Variants in PHACTR2 observed in about 807,000 individuals in gnomAD.
The protein encoded by PHACTR2 is chromosome 6 open reading frame 56.
PHACTR2 carries 30 observed loss-of-function variants against 76.0 expected under a neutral mutation model. The observed-to-expected ratio is 0.39, with a 90% CI of 0.30 to 0.54. PHACTR2 has a LOEUF of 0.54. Among genes scored for constraint, PHACTR2 ranks in the 20% least tolerant of loss-of-function variants. PHACTR2 has a pLI of 0.61. For synonymous variants in PHACTR2, 292 were observed against 292.5 expected (o/e 1.00, Z 0.02); for missense variants, 696 against 781.1 (o/e 0.89, Z 1.30).
In PHACTR2 at chr6:143,684,689, G is replaced by A. The variant is rs1018124318; in HGVS notation, c.46+6480G>A. On this transcript the variant is annotated intron_variant, in intron 1 of 12. Transcript: ENST00000440869. The surrounding 1 kb of genome is among the most constrained non-coding windows in gnomAD (Gnocchi z 4.3). The stretch of plus-strand genomic sequence containing the variant: ...AGGGTCACTCTTAGCCCATAGCCTC[G>A]TGAGAATTAGAAGTCACTTCCTCTG... 1.6e-4 allele frequency among the ~76,000 whole-genome samples: 25 copies of A among 152,304 alleles called. No homozygotes were observed. The highest frequency in any genetic ancestry group is 2.4e-4 in the Non-Finnish European group (16 of 68,040).
chr6:143,749,494 C>T (rs1779140068), intron 3 of PHACTR2, among the ~76,000 whole-genome samples: 1 of 152,194 alleles, frequency 6.6e-6, no homozygotes, highest in Non-Finnish European at 1.5e-5. Context: ...AGAGAAGGCA[C>T]ACATACCTCT....
At chr6:143,628,517 C>T (rs1399098896) in intron 1 of PHACTR2, among the ~76,000 whole-genome samples, 2 of 152,130 alleles carry the variant, frequency 1.3e-5, no homozygotes, top group African/African-American at 4.8e-5. Flanking sequence ...AGAGTAGCAT[C>T]TTCTCATCTC....
Position 143,550,327 on chromosome 6 carries a change from G to A in PHACTR2, c.217+13120G>A, listed in dbSNP as rs1775079273. 6.6e-6 allele frequency among the ~76,000 whole-genome samples: 1 copy of A among 151,992 alleles called. No individual in the cohort carries two copies. Among genetic ancestry groups the A allele is most frequent in the Admixed American group, 6.6e-5 (1 of 15,262 alleles). On this transcript the variant is annotated intron_variant, in intron 1 of 11. Transcript: ENST00000367584. This position sits in a 1 kb window ranked among gnomAD's most constrained non-coding sequence, Gnocchi z 4.8. The stretch of plus-strand genomic sequence containing the variant: ...ACCACACTTCAAGGGAAGCAAGTCT[G>A]TATGGAGAGCTTTTAATGGGCCTGT...
intron 1 of PHACTR2, among the ~76,000 whole-genome samples, chr6:143,649,069 G>A (rs549812385): frequency 6.6e-6 from 1 of 152,188 alleles, no homozygotes; most frequent in South Asian, 2.1e-4. Flanking sequence ...ATGCTTCTGT[G>A]GAATAAAGTC....
In PHACTR2 at chr6:143,585,684, G is replaced by T. The variant is rs1426347367; in HGVS notation, c.217+48477G>T. Among the ~76,000 whole-genome samples the T allele has an allele frequency of 1.3e-5, 2 of 152,172 alleles. No individual in the cohort carries two copies. The highest frequency in any genetic ancestry group is 4.8e-5 in the African/African-American group (2 of 41,426). On this transcript the variant is annotated intron_variant, in intron 1 of 11. Transcript: ENST00000367584. This position sits in a 1 kb window ranked among gnomAD's most constrained non-coding sequence, Gnocchi z 5.2. ...CCCTCCCTGCTTATCACCAGGCGTG[G>T]CACCTGATAGGTGCTCAAAAAATAC...
In PHACTR2 at chr6:143,827,957, A is replaced by G. The variant is rs1776580637; in HGVS notation, c.*4268A>G. ...CAGGAGTTCGAGACCAGCCTGGCCA[A>G]CATGGTGAAACCCTGTCTCTACTGA... On this transcript the variant is annotated 3_prime_UTR_variant, in exon 13 of 13. Transcript: ENST00000440869. 6.6e-6 allele frequency: 1 copy of G among 152,050 alleles called. No homozygotes were observed. The highest frequency in any genetic ancestry group is 1.5e-5 in the Non-Finnish European group (1 of 68,038). The allele number at this position is 152,050 out of a possible 1,614,324, so 9.4% of individuals were successfully genotyped here. A position where few individuals can be genotyped will look rare whatever the true frequency, so the allele number is the denominator to read the frequency against.
chr6:143,604,993 GT>G (rs72329149), upstream of PHACTR2, among the ~76,000 whole-genome samples: 1,809 of 147,698 alleles, frequency 0.012, 37 homozygotes, highest in African/African-American at 0.041. Context: ...TGCTAATAGG[GT>G]TTTTTTTTTT....
intron 1 of PHACTR2, among the ~76,000 whole-genome samples, chr6:143,669,944 G>A (rs549394794): frequency 1.3e-5 from 2 of 152,292 alleles, no homozygotes; most frequent in African/African-American, 2.4e-5. Context: ...TGTTCATAGT[G>A]TCGATGGACT....
intron 1 of PHACTR2, among the ~76,000 whole-genome samples, chr6:143,685,554 A>G (rs1777493823): frequency 6.6e-6 from 1 of 152,142 alleles, no homozygotes; most frequent in Non-Finnish European, 1.5e-5. Flanking sequence ...ATCCGGGGTA[A>G]CTAATATTAA....
chr6:143,638,995 T>C (rs1361073417), intron 1 of PHACTR2, among the ~76,000 whole-genome samples: 1 of 152,266 alleles, frequency 6.6e-6, no homozygotes, highest in Non-Finnish European at 1.5e-5. Flanking sequence ...AATGACATTA[T>C]CTCCTTAATG....
intron 1 of PHACTR2, among the ~76,000 whole-genome samples, chr6:143,707,323 T>C (rs996328568): frequency 3.9e-5 from 6 of 152,244 alleles, no homozygotes; most frequent in African/African-American, 1.2e-4. Context: ...TTTGCTATGA[T>C]TGGGCTTCAA....
At chr6:143,573,017 T>C (rs935758315) in intron 1 of PHACTR2, among the ~76,000 whole-genome samples, 13 of 152,238 alleles carry the variant, frequency 8.5e-5, no homozygotes, top group African/African-American at 2.7e-4. Context: ...TTTGAAATAA[T>C]TCTGTCCTTA....
At position 143,786,220 on chromosome 6, in the gene PHACTR2, C is replaced by G. The variant is rs1026565261; in HGVS notation, c.1708-2553C>G. ...TTCTGCCAGATACCCTAAATCATCT[C>G]TCTCAAGTTCAAAGTTCCACGAATC... On this transcript the variant is annotated intron_variant, in intron 10 of 12. Transcript: ENST00000440869. 2.0e-5 allele frequency among the ~76,000 whole-genome samples: 3 copies of G among 152,198 alleles called. No individual in the cohort carries two copies. The South Asian group carries it at 6.2e-4, about 31-fold the overall frequency.
intron 5 of PHACTR2, among the ~76,000 whole-genome samples, chr6:143,762,238 C>T (rs1001343983): frequency 3.9e-5 from 6 of 152,206 alleles, no homozygotes; most frequent in Non-Finnish European, 8.8e-5. Context: ...TCCACTTTCC[C>T]ATTCTCCACG....
chr6:143,623,917 A>C lies in PHACTR2; in HGVS notation c.13+15595A>C, dbSNP rs1227163035. ...GTATGATGCACAATATTCTGGGTAC[A>C]CTCAGAGCACCCCCATAATAAGTTG... On this transcript the variant is annotated intron_variant, in intron 1 of 11. Coordinates refer to the PHACTR2 transcript ENST00000305766. This position sits in a 1 kb window ranked among gnomAD's most constrained non-coding sequence, Gnocchi z 5.9. 6.6e-6 allele frequency among the ~76,000 whole-genome samples: 1 copy of C among 152,164 alleles called. No individual in the cohort carries two copies. Among genetic ancestry groups the C allele is most frequent in the Non-Finnish European group, 1.5e-5 (1 of 68,034 alleles).
chr6:143,590,683 T>C (rs1775680068), intron 1 of PHACTR2, among the ~76,000 whole-genome samples: 1 of 152,196 alleles, frequency 6.6e-6, no homozygotes, highest in Non-Finnish European at 1.5e-5. Context: ...GCTTTCTTTC[T>C]ATCTCTCTAT....
Position 143,767,743 on chromosome 6 carries a change from A to G in PHACTR2, c.1232+1945A>G, listed in dbSNP as rs965941873. 6.6e-6 allele frequency among the ~76,000 whole-genome samples: 1 copy of G among 152,172 alleles called. No homozygotes were observed. The highest frequency in any genetic ancestry group is 1.5e-5 in the Non-Finnish European group (1 of 68,030). On this transcript the variant is annotated intron_variant, in intron 6 of 12. Transcript: ENST00000440869. The surrounding 1 kb of genome is among the most constrained non-coding windows in gnomAD (Gnocchi z 4.4). ...TGTGAGCCCTTTTGAAAATGGCATT[A>G]ATCTATTCACGAGGGCAGAGCCTTC...
In PHACTR2 at chr6:143,678,099, C is replaced by A. The variant is rs973656910; in HGVS notation, c.-65C>A. On this transcript the variant is annotated 5_prime_UTR_variant, in exon 1 of 13. Transcript: ENST00000440869. This position sits in a 1 kb window ranked among gnomAD's most constrained non-coding sequence, Gnocchi z 6.2. ...GAACGCCTGGAAGTCTGGCTGGGAGCGGACCCATGATCGAAGGACCAAAGG... is the reference window on the plus strand; with the variant it reads ...GAACGCCTGGAAGTCTGGCTGGGAGAGGACCCATGATCGAAGGACCAAAGG... 35 of 1,544,268 alleles carry A rather than the reference C, an allele frequency of 2.3e-5. No individual in the cohort carries two copies. Among genetic ancestry groups the A allele is most frequent in the Non-Finnish European group, 2.5e-5 (29 of 1,144,242 alleles).
In PHACTR2 at chr6:143,793,548, G is replaced by A. The variant is rs1233557731; in HGVS notation, c.1845+4638G>A. On this transcript the variant is annotated intron_variant, in intron 11 of 12. Transcript: ENST00000440869. This position sits in a 1 kb window ranked among gnomAD's most constrained non-coding sequence, Gnocchi z 4.4. Reference sequence around the variant, plus strand: ...TCTAAAAAGCAGCATTTTTAGAAGTGGATTTTTATTGTGTATGTGTGTGTT... The same window carrying A: ...TCTAAAAAGCAGCATTTTTAGAAGTAGATTTTTATTGTGTATGTGTGTGTT... Among the ~76,000 whole-genome samples the A allele has an allele frequency of 6.6e-6, 1 of 152,016 alleles. No homozygotes were observed. Among genetic ancestry groups the A allele is most frequent in the Non-Finnish European group, 1.5e-5 (1 of 68,016 alleles).
Sources: allele counts gnomAD v4.1 joint callset (sites outside exome capture counted in the v4.1 genomes callset), GRCh38; gene constraint gnomAD v4.1.1; non-coding constraint Gnocchi (gnomAD v3.1); transcripts MANE v1.5; gene names NCBI Gene and HGNC (gene_info 2026-07-23, HGNC 2026-07-21).